TRIO: variants seen among roughly 807,000 people sequenced by gnomAD.
TRIO encodes the protein triple functional domain protein.
TRIO carries 58 observed loss-of-function variants against 351.9 expected under a neutral mutation model. The ratio of observed to expected loss-of-function variants is 0.16; its 90% CI spans 0.13 to 0.21. The LOEUF is 0.21. Among genes scored for constraint, TRIO ranks in the 10% least tolerant of loss-of-function variants. The pLI is 1.00. For missense variants in TRIO, 3,201 were observed against 4,027.8 expected (o/e 0.79, Z 5.56); for synonymous variants, 1,758 against 1,595.7 (o/e 1.10, Z -2.42).
At chr5:14,378,774 G>A (rs1024041836) in intron 20 of TRIO, among the ~76,000 whole-genome samples, 4 of 152,176 alleles carry the variant, frequency 2.6e-5, no homozygotes, top group South Asian at 2.1e-4. Flanking sequence ...TGGCCAGCCT[G>A]GTCTCGAACT....
chr5:14,280,469 T>A (rs760147744), intron 3 of TRIO, 33 bp downstream of exon 3: 2 of 1,572,502 alleles, frequency 1.3e-6, no homozygotes, highest in Non-Finnish European at 8.8e-7. Flanking sequence ...TTGTCACTGA[T>A]GTCACATTTA....
intron 33 of TRIO, among the ~76,000 whole-genome samples, chr5:14,412,199 G>A (rs1490393675): frequency 1.3e-5 from 2 of 152,068 alleles, no homozygotes; most frequent in African/African-American, 2.4e-5. Flanking sequence ...TGTTGGCCAG[G>A]CTGGTCTCGA....
chr5:14,486,741 C>G (rs962349771), intron 47 of TRIO, among the ~76,000 whole-genome samples: 1 of 152,066 alleles, frequency 6.6e-6, no homozygotes, highest in Non-Finnish European at 1.5e-5. Flanking sequence ...GAGCTTGGGA[C>G]CCTTTCACCT....
At position 14,496,927 on chromosome 5, in the gene TRIO, GAAA is replaced by G; in HGVS notation, c.7933_7935del (p.Lys2645del). 1 of 1,614,136 alleles carries G rather than the reference GAAA, an allele frequency of 6.2e-7. No individual in the cohort carries two copies. Among genetic ancestry groups the G allele is most frequent in the Non-Finnish European group, 8.5e-7 (1 of 1,180,014 alleles). ...CACTCCGTTTAAGGAAAAAATCTGAGAAAAAAGATAAAGACGGCAAAAGGGAAG... is the reference window on the plus strand; with the variant it reads ...CACTCCGTTTAAGGAAAAAATCTGAGAAAGATAAAGACGGCAAAAGGGAAG... On this transcript the variant is annotated inframe_deletion, in exon 50 of 57. Coordinates refer to ENST00000344204, the MANE Select transcript of TRIO (RefSeq NM_007118.4).
intron 1 of TRIO, among the ~76,000 whole-genome samples, chr5:14,181,104 ATTC>A (rs1789739332): frequency 6.7e-6 from 1 of 149,308 alleles, no homozygotes. Flanking sequence ...TTTTTGTTTC[ATTC>A]TTCTATTAGC....
intron 7 of TRIO, among the ~76,000 whole-genome samples, chr5:14,300,536 G>A (rs563300620): frequency 6.6e-6 from 1 of 152,262 alleles, no homozygotes; most frequent in South Asian, 2.1e-4. Context: ...CCACACATCC[G>A]ATCACCTTAA....
chr5:14,419,770 C>A lies in TRIO; in HGVS notation c.4960-8C>A. 6.2e-7 allele frequency: 1 copy of A among 1,613,544 alleles called. No individual in the cohort carries two copies. Among genetic ancestry groups the A allele is most frequent in the South Asian group, 1.1e-5 (1 of 90,962 alleles). On this transcript the variant is annotated splice_region_variant and splice_polypyrimidine_tract_variant and intron_variant, in intron 33 of 56. Transcript: ENST00000344204. ...CTGACCTGTCCTCTCTTCCTCTGTTCCCCCCAGCTCTCTGGTGGCTGTGAG... is the reference window on the plus strand; with the variant it reads ...CTGACCTGTCCTCTCTTCCTCTGTTACCCCCAGCTCTCTGGTGGCTGTGAG...
intron 34 of TRIO, among the ~76,000 whole-genome samples, chr5:14,441,609 C>G (rs1442216637): frequency 6.6e-6 from 1 of 152,130 alleles, no homozygotes; most frequent in Non-Finnish European, 1.5e-5. Flanking sequence ...GTTGTAAGAC[C>G]TTTTTAATAT....
At position 14,143,580 on chromosome 5, in the gene TRIO, C is replaced by T. The variant is rs868564390; in HGVS notation, c.-146C>T. ...CCTTGGGCCGAGCCGCCGCCGCCGC[C>T]CCCCGCCGCCCCGGGGCTCTGCGTC... On this transcript the variant is annotated 5_prime_UTR_variant, in exon 1 of 57. Transcript: ENST00000344204. 53 of 168,486 alleles carry T rather than the reference C, an allele frequency of 3.1e-4. No homozygotes were observed. The highest frequency in any genetic ancestry group is 6.1e-3 in the Middle Eastern group (2 of 326). 10.4% of individuals were successfully genotyped at this position (168,486 alleles called of 1,614,324 possible). A position where few individuals can be genotyped will look rare whatever the true frequency, so the allele number is the denominator to read the frequency against.
intron 11 of TRIO, among the ~76,000 whole-genome samples, chr5:14,357,748 A>C (rs1225240286): frequency 6.6e-6 from 1 of 151,972 alleles, no homozygotes; most frequent in Non-Finnish European, 1.5e-5. Context: ...GTGGTTTAAT[A>C]ATGAAAAATT....
chr5:14,391,239 T>TATCTATAC (rs1747056488), intron 27 of TRIO, among the ~76,000 whole-genome samples: 1 of 152,154 alleles, frequency 6.6e-6, no homozygotes, highest in Non-Finnish European at 1.5e-5. Context: ...GATGTATGTT[T>TATCTATAC]GTGTGTGTGT....
At chr5:14,282,409 A>G (rs985201517) in intron 3 of TRIO, among the ~76,000 whole-genome samples, 22 of 152,212 alleles carry the variant, frequency 1.4e-4, no homozygotes, top group African/African-American at 4.6e-4. Context: ...TGAATTTGAT[A>G]TTCACTCTTG....
intron 53 of TRIO, among the ~76,000 whole-genome samples, chr5:14,500,115 T>C (rs185834344): frequency 8.6e-5 from 13 of 151,610 alleles, no homozygotes; most frequent in Admixed American, 2.0e-4. Context: ...AATCCAAGTG[T>C]GTAGTTACTT....
chr5:14,201,513 G>T (rs1791108396), intron 1 of TRIO, among the ~76,000 whole-genome samples: 1 of 152,108 alleles, frequency 6.6e-6, no homozygotes, highest in South Asian at 2.1e-4. Context: ...GGTTTTAAGA[G>T]CATTTGGCAG....
intron 29 of TRIO, among the ~76,000 whole-genome samples, chr5:14,397,519 C>T (rs2152372265): frequency 6.6e-6 from 1 of 152,322 alleles, no homozygotes; most frequent in East Asian, 1.9e-4. Flanking sequence ...GCTTCCCCAC[C>T]TCTGTATCCA....
intron 10 of TRIO, among the ~76,000 whole-genome samples, chr5:14,336,003 C>T (rs1380532426): frequency 1.3e-5 from 2 of 152,008 alleles, no homozygotes; most frequent in African/African-American, 2.4e-5. Context: ...AAATATATAG[C>T]CTTAAGTAGA....
chr5:14,223,695 A>C (rs1452013661), intron 1 of TRIO, among the ~76,000 whole-genome samples: 1 of 152,248 alleles, frequency 6.6e-6, no homozygotes, highest in Non-Finnish European at 1.5e-5. Flanking sequence ...TGCGGTGTGC[A>C]GCTGTGCATT....
chr5:14,303,760 C>T (rs182752829), intron 7 of TRIO, among the ~76,000 whole-genome samples: 1 of 152,118 alleles, frequency 6.6e-6, no homozygotes, highest in Non-Finnish European at 1.5e-5. Context: ...CAGGGCTGTT[C>T]GCATGGCTCA....
At chr5:14,491,081 GT>G (rs3840115) in intron 48 of TRIO, among the ~76,000 whole-genome samples, 34,033 of 152,108 alleles carry the variant, frequency 0.22, 4,748 homozygotes, top group African/African-American at 0.39. Context: ...GCACCGCCAT[GT>G]TTTTAAGTAT....
Sources: allele counts gnomAD v4.1 joint callset (sites outside exome capture counted in the v4.1 genomes callset), GRCh38; gene constraint gnomAD v4.1.1; transcripts MANE v1.5; gene names NCBI Gene and HGNC (gene_info 2026-07-23, HGNC 2026-07-21).